VPS36: variants seen among roughly 807,000 people sequenced by gnomAD.
VPS36 encodes vacuolar protein sorting 36 homolog, also known as vacuolar protein-sorting-associated protein 36.
Under a neutral mutation model 63.5 loss-of-function variants are expected in VPS36, and 31 were observed. The ratio of observed to expected loss-of-function variants is 0.49; its 90% CI spans 0.37 to 0.66. The LOEUF is 0.66. Among genes scored for constraint, VPS36 ranks in the 30% least tolerant of loss-of-function variants. The probability of loss-of-function intolerance (pLI) is 0.00; values close to 1 mark genes in which losing one functional copy is unlikely to be tolerated. For missense variants in VPS36, 338 were observed against 463.7 expected (o/e 0.73, Z 2.49); for synonymous variants, 138 against 157.2 (o/e 0.88, Z 0.91).
chr13:52,443,903 C>T (rs1958307145), intron 1 of VPS36, among the ~76,000 whole-genome samples: 1 of 152,090 alleles, frequency 6.6e-6, no homozygotes, highest in Admixed American at 6.5e-5. Context: ...ATATTGGAAG[C>T]TATTAACTCG....
rs1330984667 is a variant in VPS36, at chr13:52,434,846, T to G, written c.388A>C (p.Arg130=). ...TGGGAAACTGGCATATTCTCCCATCTTCTTTGTGTCATTTCCTCTGATAAA... is the reference window on the plus strand; with the variant it reads ...TGGGAAACTGGCATATTCTCCCATCGTCTTTGTGTCATTTCCTCTGATAAA... ...RRLSEEMTQR[R]WENMPVSQSL... Residue 130 remains arginine (R), a synonymous_variant, in exon 5 of 14, where the codon AGA becomes CGA. Transcript: ENST00000378060. The G allele has an allele frequency of 6.2e-6, 10 of 1,613,980 alleles. No individual in the cohort carries two copies. In the African/African-American group the frequency reaches 1.1e-4, roughly 17 times the overall value.
rs78882483 is a variant in VPS36, at chr13:52,433,947, G to A, written c.442-199C>T. On this transcript the variant is annotated intron_variant, in intron 5 of 13. Coordinates refer to ENST00000378060, the MANE Select transcript of VPS36 (RefSeq NM_016075.4). ...TACATAATGATCTTAAAATCATTCA[G>A]GAAAAACCAAATATACAATAAATGG... Among the ~76,000 whole-genome samples, 1,124 of 152,112 alleles carry A rather than the reference G, an allele frequency of 7.4e-3. 6 individuals carry two copies. Among genetic ancestry groups the A allele is most frequent in the African/African-American group, 0.017 (701 of 41,510 alleles).
In VPS36 at chr13:52,416,473, G is replaced by T. The variant is rs187959169; in HGVS notation, c.991-380C>A. Reference sequence around the variant, plus strand: ...ATATGGGTTTAGTTTAAAATATGTGGTAGAAATATCTGTAGTCTTGGGGTT... The same window carrying T: ...ATATGGGTTTAGTTTAAAATATGTGTTAGAAATATCTGTAGTCTTGGGGTT... On this transcript the variant is annotated intron_variant, in intron 12 of 13. Transcript: ENST00000378060. Among the ~76,000 whole-genome samples the T allele has an allele frequency of 1.7e-3, 254 of 152,294 alleles. 2 individuals are homozygous for T. Among genetic ancestry groups the T allele is most frequent in the Middle Eastern group, 3.4e-3 (1 of 294 alleles).
At chr13:52,420,255 G>C (rs1166091476) in intron 10 of VPS36, among the ~76,000 whole-genome samples, 2 of 151,744 alleles carry the variant, frequency 1.3e-5, no homozygotes, top group Non-Finnish European at 2.9e-5. Context: ...AAAAAAAAGG[G>C]GGGGAATAAG....
intron 6 of VPS36, among the ~76,000 whole-genome samples, chr13:52,427,829 G>A (rs1362651451): frequency 6.6e-6 from 1 of 152,028 alleles, no homozygotes; most frequent in Non-Finnish European, 1.5e-5. Context: ...ATTATTTACT[G>A]TTATTTGAGA....
chr13:52,423,342 GA>G (rs905040774), intron 10 of VPS36, among the ~76,000 whole-genome samples: 1 of 152,040 alleles, frequency 6.6e-6, no homozygotes, highest in African/African-American at 2.4e-5. Flanking sequence ...GAGGAAGAAG[GA>G]AAACTGAGTC....
intron 10 of VPS36, among the ~76,000 whole-genome samples, chr13:52,422,466 G>A (rs1958056338): frequency 6.6e-6 from 1 of 152,064 alleles, no homozygotes; most frequent in African/African-American, 2.4e-5. Context: ...GTGTCACTAG[G>A]GTTTGCTGTA....
At chr13:52,422,882 C>T (rs1362335873) in intron 10 of VPS36, among the ~76,000 whole-genome samples, 1 of 152,166 alleles carries the variant, frequency 6.6e-6, no homozygotes, top group African/African-American at 2.4e-5. Context: ...TCTTGTAGCT[C>T]CCATAGTTCC....
At chr13:52,447,363 A>T (rs1958354460) in intron 1 of VPS36, among the ~76,000 whole-genome samples, 1 of 152,212 alleles carries the variant, frequency 6.6e-6, no homozygotes, top group Admixed American at 6.5e-5. Context: ...GCTGAAAAAG[A>T]ATAAACAATT....
At chr13:52,441,118 C>T (rs774790896) in intron 2 of VPS36, among the ~76,000 whole-genome samples, 7 of 152,102 alleles carry the variant, frequency 4.6e-5, no homozygotes, top group Non-Finnish European at 7.4e-5. Flanking sequence ...GGCCACAGAC[C>T]AGTACTGGGG....
At chr13:52,417,244 G>A in intron 11 of VPS36, 103 bp from the exon 12 acceptor site, 2 of 915,874 alleles carry the variant, frequency 2.2e-6, no homozygotes, top group South Asian at 1.5e-5. Flanking sequence ...CAGATATGAG[G>A]GCAATATTAA....
At chr13:52,427,869 T>G (rs1038718460) in intron 6 of VPS36, among the ~76,000 whole-genome samples, 3 of 152,126 alleles carry the variant, frequency 2.0e-5, no homozygotes, top group Non-Finnish European at 4.4e-5. Context: ...CTGTCACTGG[T>G]TTTTTCTAAA....
intron 3 of VPS36, among the ~76,000 whole-genome samples, chr13:52,437,797 G>T (rs550384566): frequency 1.3e-5 from 2 of 152,072 alleles, no homozygotes; most frequent in Non-Finnish European, 2.9e-5. Context: ...GGGCATGGTC[G>T]TGGGCGCCTG....
At chr13:52,444,458 T>TAA (rs1486759062) in intron 1 of VPS36, among the ~76,000 whole-genome samples, 2 of 148,390 alleles carry the variant, frequency 1.3e-5, no homozygotes, top group Non-Finnish European at 3.0e-5. Flanking sequence ...AGACTCCGTT[T>TAA]AAAAAATACA....
In VPS36 at chr13:52,429,682, T is replaced by C. The variant is rs568643643; in HGVS notation, c.529-2463A>G. Among the ~76,000 whole-genome samples, 395 of 152,356 alleles carry C rather than the reference T, an allele frequency of 2.6e-3. 3 individuals carry two copies. The highest frequency in any genetic ancestry group is 7.1e-3 in the African/African-American group (295 of 41,580). Reference sequence around the variant, plus strand: ...GTCCGTATGGTGAGCACAATGCTTATGTAGAATCCTTTGAACTATGTGACT... The same window carrying C: ...GTCCGTATGGTGAGCACAATGCTTACGTAGAATCCTTTGAACTATGTGACT... On this transcript the variant is annotated intron_variant, in intron 6 of 13. Transcript: ENST00000378060.
chr13:52,445,524 A>G (rs965400048), intron 1 of VPS36, among the ~76,000 whole-genome samples: 6 of 149,290 alleles, frequency 4.0e-5, no homozygotes, highest in Non-Finnish European at 8.9e-5. Flanking sequence ...CTGTAGTCCC[A>G]GCTATTCCGG....
chr13:52,442,081 CCATT>C (rs1364613906), intron 2 of VPS36, among the ~76,000 whole-genome samples: 1 of 152,154 alleles, frequency 6.6e-6, no homozygotes, highest in African/African-American at 2.4e-5. Flanking sequence ...TTTTTGCACT[CCATT>C]CAGAGAAATT....
At position 52,415,284 on chromosome 13, in the gene VPS36, TATATAA is replaced by T. The variant is rs962699227; in HGVS notation, c.*540_*545del. 2 of 152,330 alleles carry T rather than the reference TATATAA, an allele frequency of 1.3e-5. No individual in the cohort carries two copies. Among genetic ancestry groups the T allele is most frequent in the Non-Finnish European group, 2.9e-5 (2 of 68,044 alleles). 9.4% of individuals were successfully genotyped at this position (152,330 alleles called of 1,614,324 possible). A position where few individuals can be genotyped will look rare whatever the true frequency, so the allele number is the denominator to read the frequency against. Reference sequence around the variant, plus strand: ...AAACAAAGAGAAACTAGATAGAATATATATAAATATATGTGTCAAATAAAATTATTT... The same window carrying T: ...AAACAAAGAGAAACTAGATAGAATATATATATGTGTCAAATAAAATTATTT... On this transcript the variant is annotated 3_prime_UTR_variant, in exon 14 of 14. Coordinates refer to ENST00000378060, the MANE Select transcript of VPS36 (RefSeq NM_016075.4).
chr13:52,418,126 A>T (rs1958010175), intron 10 of VPS36, 70 bp from the exon 11 acceptor site: 1 of 1,327,582 alleles, frequency 7.5e-7, no homozygotes, highest in Non-Finnish European at 1.0e-6. Flanking sequence ...AGTATATTTT[A>T]AAATTACCAT....
Sources: gnomAD v4.1 joint callset for allele counts (sites outside exome capture counted in the v4.1 genomes callset) on GRCh38, gnomAD v4.1.1 for gene constraint, MANE v1.5 for transcripts, NCBI Gene and HGNC (gene_info 2026-07-23, HGNC 2026-07-21) for gene names.